Variants in HSPA12A observed in about 807,000 individuals in gnomAD.
HSPA12A encodes the protein heat shock protein family A (Hsp70) member 12A, also known as heat shock 70 kDa protein 12A.
In HSPA12A, 28 loss-of-function variants were observed where a neutral mutation model predicts 69.2. The observed-to-expected ratio is 0.40, with a 90% confidence interval of 0.30 to 0.55. The LOEUF is 0.55. HSPA12A is among the 20% of genes least tolerant of loss of function. The pLI, the probability that HSPA12A is intolerant of heterozygous loss-of-function variation, is 0.38. For synonymous variants in HSPA12A, 345 were observed against 370.5 expected (o/e 0.93, Z 0.79); for missense variants, 686 against 900.7 (o/e 0.76, Z 3.05).
chr10:116,725,411 G>A (rs1433824643), intron 1 of HSPA12A, among the ~76,000 whole-genome samples: 6 of 152,154 alleles, frequency 3.9e-5, no homozygotes, highest in Admixed American at 1.3e-4. Context: ...GTGTTGTTCA[G>A]TCGCCAGATT....
chr10:116,684,191 T>C lies in HSPA12A; in HGVS notation c.664-229A>G, dbSNP rs151077806. ...GGCCAAAGAAAATGTATAGGCACCC[T>C]GGGGAAAACACCAGGTGCTCTGGCT... On this transcript the variant is annotated intron_variant, in intron 6 of 11. Coordinates refer to ENST00000369209, the MANE Select transcript of HSPA12A (RefSeq NM_025015.3). Among the ~76,000 whole-genome samples, 623 of 152,232 alleles carry C rather than the reference T, an allele frequency of 4.1e-3. 3 individuals are homozygous for C. The highest frequency in any genetic ancestry group is 0.015 in the African/African-American group (604 of 41,548).
chr10:116,742,305 T>A (rs1554887308), intron 1 of HSPA12A, 125 bp downstream of exon 1: 2 of 1,052,702 alleles, frequency 1.9e-6, no homozygotes, highest in Admixed American at 8.9e-5. Flanking sequence ...CCGCCAGAAC[T>A]GGATGCAGCG....
intron 2 of HSPA12A, among the ~76,000 whole-genome samples, chr10:116,811,820 T>C (rs548450363): frequency 6.6e-6 from 1 of 152,196 alleles, no homozygotes; most frequent in Non-Finnish European, 1.5e-5. Flanking sequence ...AGGTTTGTTG[T>C]GGTGTTTACA....
chr10:116,781,740 C>T (rs781815781), intron 2 of HSPA12A, among the ~76,000 whole-genome samples: 2 of 152,178 alleles, frequency 1.3e-5, no homozygotes, highest in Non-Finnish European at 2.9e-5. Context: ...TCAGCTACAC[C>T]GAGTGCCTGA....
At chr10:116,748,812 C>T (rs1193124298) in intron 2 of HSPA12A, among the ~76,000 whole-genome samples, 6 of 152,160 alleles carry the variant, frequency 3.9e-5, no homozygotes, top group Admixed American at 2.6e-4. Context: ...AATTACCTCC[C>T]ACTAGGTCCC....
At chr10:116,812,495 G>A (rs992341833) in intron 2 of HSPA12A, among the ~76,000 whole-genome samples, 3 of 151,840 alleles carry the variant, frequency 2.0e-5, no homozygotes, top group African/African-American at 7.3e-5. Flanking sequence ...AATAAAATCA[G>A]GGAACCCCCA....
chr10:116,820,760 T>C (rs949477623), intron 2 of HSPA12A, among the ~76,000 whole-genome samples: 11 of 152,084 alleles, frequency 7.2e-5, no homozygotes, highest in Admixed American at 1.3e-4. Flanking sequence ...TGAGTCCACG[T>C]TGACATTTCT....
intron 1 of HSPA12A, among the ~76,000 whole-genome samples, chr10:116,718,949 A>C (rs546546614): frequency 6.6e-6 from 1 of 152,054 alleles, no homozygotes; most frequent in South Asian, 2.1e-4. Flanking sequence ...CACGAGATTC[A>C]CTGAATACTT....
chr10:116,849,683 G>C lies in HSPA12A; in HGVS notation c.-115C>G, dbSNP rs1050635386. ...ACGTTCCGCGCAGGCTGGAAGAGCT[G>C]CTCAACTCCACCTTCTACCTCCAGC... On this transcript the variant is annotated 5_prime_UTR_variant, in exon 1 of 13. Coordinates refer to the HSPA12A transcript ENST00000635765. 3.9e-6 allele frequency: 6 copies of C among 1,548,732 alleles called. No homozygotes were observed. In the African/African-American group the frequency reaches 8.2e-5, roughly 21 times the overall value.
intron 2 of HSPA12A, among the ~76,000 whole-genome samples, chr10:116,804,183 C>A (rs1484550957): frequency 6.6e-6 from 1 of 152,144 alleles, no homozygotes; most frequent in East Asian, 1.9e-4. Flanking sequence ...TTTCTTAAGC[C>A]ACTCATTATT....
chr10:116,788,688 G>A (rs1248521518), intron 2 of HSPA12A, among the ~76,000 whole-genome samples: 1 of 151,874 alleles, frequency 6.6e-6, no homozygotes, highest in Admixed American at 6.6e-5. Flanking sequence ...ATTATATATT[G>A]TGGGTATCTG....
Position 116,804,987 on chromosome 10 carries a change from T to TC in HSPA12A, c.91+29947dup, listed in dbSNP as rs371774852. On this transcript the variant is annotated intron_variant, in intron 2 of 12. Coordinates refer to the HSPA12A transcript ENST00000635765. ...GGGGATGGAGGTAAATTATCTTTTA[T>TC]CCCCAGTAAATTTAATGGACACTTC... Among the ~76,000 whole-genome samples, 650 of 152,286 alleles carry TC rather than the reference T, an allele frequency of 4.3e-3. 4 individuals carry two copies. The highest frequency in any genetic ancestry group is 0.015 in the African/African-American group (625 of 41,554).
intron 2 of HSPA12A, among the ~76,000 whole-genome samples, chr10:116,834,472 G>C (rs1845674893): frequency 6.6e-6 from 1 of 152,212 alleles, no homozygotes; most frequent in Non-Finnish European, 1.5e-5. Context: ...GAAGGAGGAA[G>C]AGGACCAGTC....
At chr10:116,683,759 G>A in intron 7 of HSPA12A, 32 bp downstream of exon 7, 1 of 1,482,606 alleles carries the variant, frequency 6.7e-7, no homozygotes, top group Non-Finnish European at 9.1e-7. Context: ...GAAGGAAGGA[G>A]AGCAGGAGGG....
intron 3 of HSPA12A, among the ~76,000 whole-genome samples, chr10:116,702,420 C>T (rs1045379689): frequency 4.3e-4 from 65 of 152,148 alleles, no homozygotes; most frequent in African/African-American, 8.2e-4. Context: ...GACCTGCTCC[C>T]GACCCCATGA....
At chr10:116,838,916 T>C (rs1845760384) in intron 1 of HSPA12A, among the ~76,000 whole-genome samples, 2 of 152,232 alleles carry the variant, frequency 1.3e-5, no homozygotes, top group South Asian at 4.1e-4. Context: ...ATTTATGTAG[T>C]GAGAGCCACA....
At chr10:116,801,232 C>T (rs1844949314) in intron 2 of HSPA12A, among the ~76,000 whole-genome samples, 1 of 152,188 alleles carries the variant, frequency 6.6e-6, no homozygotes, top group Non-Finnish European at 1.5e-5. Context: ...AATACATAGG[C>T]AGCACAGGCA....
At chr10:116,747,417 C>T (rs1357750990), upstream of HSPA12A, among the ~76,000 whole-genome samples, 1 of 152,352 alleles carries the variant, frequency 6.6e-6, no homozygotes, top group East Asian at 1.9e-4. Context: ...TGCTCAAACC[C>T]TGGCCCTGCA....
intron 1 of HSPA12A, among the ~76,000 whole-genome samples, chr10:116,841,792 T>C (rs992221371): frequency 6.6e-6 from 1 of 152,102 alleles, no homozygotes; most frequent in African/African-American, 2.4e-5. Flanking sequence ...TTTTTCTTTT[T>C]TTTTTAATAC....
Sources: allele counts gnomAD v4.1 joint callset (sites outside exome capture counted in the v4.1 genomes callset), GRCh38; gene constraint gnomAD v4.1.1; transcripts MANE v1.5; gene names NCBI Gene and HGNC (gene_info 2026-07-23, HGNC 2026-07-21).